Variants in DOCK9 observed in about 807,000 individuals in gnomAD.
DOCK9 encodes the protein dedicator of cytokinesis 9, also known as dedicator of cytokinesis protein 9.
Under a neutral mutation model 263.3 loss-of-function variants are expected in DOCK9, and 89 were observed. The observed-to-expected ratio is 0.34, with a 90% CI of 0.28 to 0.40. The LOEUF is 0.40. DOCK9 is among the 10% of genes least tolerant of loss of function. DOCK9 has a pLI of 1.00. For synonymous variants in DOCK9, 976 were observed against 973.1 expected (o/e 1.00, Z -0.06); for missense variants, 2,140 against 2,603.4 (o/e 0.82, Z 3.87).
chr13:99,077,363 T>C (rs1375434456), intron 1 of DOCK9, among the ~76,000 whole-genome samples: 1 of 152,126 alleles, frequency 6.6e-6, no homozygotes, highest in Non-Finnish European at 1.5e-5. Context: ...TCATGAGATC[T>C]GGTTGTTTAA....
intron 27 of DOCK9, among the ~76,000 whole-genome samples, chr13:98,870,556 G>A (rs1264087449): frequency 6.6e-6 from 1 of 152,188 alleles, no homozygotes; most frequent in Non-Finnish European, 1.5e-5. Flanking sequence ...ATGGGGCTGA[G>A]TCAATGGCTG....
chr13:98,817,694 A>G (rs2091976235), intron 45 of DOCK9, among the ~76,000 whole-genome samples: 1 of 151,342 alleles, frequency 6.6e-6, no homozygotes, highest in Non-Finnish European at 1.5e-5. Flanking sequence ...AGTAGCATAT[A>G]AGTATTGATA....
Position 98,977,961 on chromosome 13 carries a change from C to G in DOCK9, c.-52G>C. ...GTCTGCAACTGGAACAGCTGCGAGT[C>G]CCTGGCCGTGCAAGGCACAGGCATG... is the stretch of plus-strand genomic sequence containing the variant. On this transcript the variant is annotated 5_prime_UTR_variant, in exon 1 of 53. Transcript: ENST00000682017. The G allele has an allele frequency of 6.5e-7, 1 of 1,532,742 alleles. No individual in the cohort carries two copies. Among genetic ancestry groups the G allele is most frequent in the Non-Finnish European group, 8.8e-7 (1 of 1,138,230 alleles). The allele number at this position is 1,532,742 out of a possible 1,614,324, so 94.9% of individuals were successfully genotyped here.
chr13:99,000,136 T>G (rs997697344), intron 1 of DOCK9, among the ~76,000 whole-genome samples: 1 of 152,282 alleles, frequency 6.6e-6, no homozygotes, highest in Non-Finnish European at 1.5e-5. Flanking sequence ...GATTCTGGGA[T>G]CTGGGAGAAA....
At chr13:98,815,915 G>A (rs546542292) in intron 45 of DOCK9, among the ~76,000 whole-genome samples, 3 of 152,210 alleles carry the variant, frequency 2.0e-5, no homozygotes, top group East Asian at 1.9e-4. Flanking sequence ...TTAACTCCAC[G>A]CCATACCAGT....
chr13:99,065,372 A>G (rs2142324304), intron 1 of DOCK9, among the ~76,000 whole-genome samples: 1 of 152,168 alleles, frequency 6.6e-6, no homozygotes, highest in Non-Finnish European at 1.5e-5. Context: ...CCAGCAACTA[A>G]GCTCTGACAA....
At chr13:99,043,978 T>A (rs1376591404) in intron 1 of DOCK9, among the ~76,000 whole-genome samples, 1 of 152,184 alleles carries the variant, frequency 6.6e-6, no homozygotes, top group African/African-American at 2.4e-5. Flanking sequence ...GTTTGCTGAA[T>A]GAATGAATAA....
In DOCK9 at chr13:98,953,518, C is replaced by G. The variant is rs2057682915; in HGVS notation, c.243+1917G>C. On this transcript the variant is annotated intron_variant, in intron 2 of 52. Transcript: ENST00000682017. ...GTTTGTTTCTTAAGCAATTTTATCT[C>G]AGTCATACAAATAGAATTTTTCATT... Among the ~76,000 whole-genome samples, 2 of 152,200 alleles carry G rather than the reference C, an allele frequency of 1.3e-5. 1 individual carries two copies. The highest frequency in any genetic ancestry group is 4.1e-4 in the South Asian group (2 of 4,824).
At chr13:99,022,028 T>C (rs1886178630) in intron 1 of DOCK9, among the ~76,000 whole-genome samples, 1 of 152,154 alleles carries the variant, frequency 6.6e-6, no homozygotes, top group Non-Finnish European at 1.5e-5. Context: ...AATAAGTACA[T>C]TTTAAATAAA....
intron 1 of DOCK9, among the ~76,000 whole-genome samples, chr13:99,075,125 T>G (rs909175632): frequency 1.3e-5 from 2 of 152,218 alleles, no homozygotes; most frequent in Admixed American, 6.5e-5. Context: ...AATAGATTTG[T>G]GTATCATTTA....
At chr13:98,899,537 C>T (rs1204996656) in intron 13 of DOCK9, among the ~76,000 whole-genome samples, 3 of 152,164 alleles carry the variant, frequency 2.0e-5, no homozygotes, top group African/African-American at 4.8e-5. Context: ...TCTAGGACCT[C>T]CCCCCTTCTC....
chr13:98,989,349 A>ATGATGATGTTGATGATGATG (rs1567176819), intron 1 of DOCK9, among the ~76,000 whole-genome samples: 1 of 98,966 alleles, frequency 1.0e-5, no homozygotes, highest in Non-Finnish European at 2.2e-5. Context: ...TGATGATGAT[A>ATGATGATGTTGATGATGATG]ATAATAATAA....
chr13:99,037,850 CAA>C (rs1888054112), intron 1 of DOCK9, among the ~76,000 whole-genome samples: 3 of 151,728 alleles, frequency 2.0e-5, no homozygotes, highest in Admixed American at 6.6e-5. Flanking sequence ...GTGAAGAAGA[CAA>C]AAAAGAGTTC....
chr13:98,955,650 C>T (rs1165566371), intron 1 of DOCK9, 99 bp from the exon 2 acceptor site: 4 of 807,482 alleles, frequency 5.0e-6, no homozygotes, highest in Non-Finnish European at 7.8e-6. Flanking sequence ...GTATTTTCTA[C>T]AATTAGAGTA....
intron 1 of DOCK9, among the ~76,000 whole-genome samples, chr13:99,038,620 C>T (rs1348108038): frequency 6.6e-6 from 1 of 152,048 alleles, no homozygotes. Flanking sequence ...CCACTTTCAA[C>T]TCAAAACTAG....
At chr13:98,881,464 T>A in intron 25 of DOCK9, 94 bp downstream of exon 25, 1 of 995,510 alleles carries the variant, frequency 1.0e-6, no homozygotes, top group Non-Finnish European at 1.5e-6. Context: ...TACAAGCACA[T>A]CCTCAAATAA....
At chr13:98,842,682 C>T (rs1055926081) in intron 38 of DOCK9, among the ~76,000 whole-genome samples, 1 of 152,224 alleles carries the variant, frequency 6.6e-6, no homozygotes, top group Non-Finnish European at 1.5e-5. Context: ...CATGTACCTA[C>T]AGTGTACCCT....
In DOCK9 at chr13:98,923,249, T is replaced by C. The variant is rs981673279; in HGVS notation, c.486+53A>G. The C allele has an allele frequency of 2.8e-5, 43 of 1,532,468 alleles. 1 individual carries two copies. Among genetic ancestry groups the C allele is most frequent in the South Asian group, 2.1e-4 (19 of 88,386 alleles). 94.9% of individuals were successfully genotyped at this position (1,532,468 alleles called of 1,614,324 possible). ...TAACTAATCTTCTAAGTCTGTAAAA[T>C]TGATGTTTAAATCTAGAGTGAAAAG... On this transcript the variant is annotated intron_variant, in intron 5 of 52. Transcript: ENST00000682017.
chr13:98,918,601 T>C (rs2051297705), intron 7 of DOCK9, among the ~76,000 whole-genome samples: 1 of 152,132 alleles, frequency 6.6e-6, no homozygotes, highest in Non-Finnish European at 1.5e-5. Flanking sequence ...CAGTGGAAAC[T>C]AGATGGCAAT....
Sources: allele counts gnomAD v4.1 joint callset (sites outside exome capture counted in the v4.1 genomes callset), GRCh38; gene constraint gnomAD v4.1.1; transcripts MANE v1.5; gene names NCBI Gene and HGNC (gene_info 2026-07-23, HGNC 2026-07-21).